The following CADPS variants were observed in gnomAD, a reference collection of about 807,000 sequenced individuals.
CADPS encodes calcium dependent secretion activator.
CADPS carries 57 observed loss-of-function variants against 167.3 expected under a neutral mutation model. That is an observed-to-expected ratio of 0.34 (90% CI 0.28 to 0.42). The LOEUF is 0.42. Among genes scored for constraint, CADPS ranks in the 20% least tolerant of loss-of-function variants. The pLI, the probability that CADPS is intolerant of heterozygous loss-of-function variation, is 1.00. For synonymous variants in CADPS, 676 were observed against 635.3 expected, an observed-to-expected ratio of 1.06 and a Z score of -0.96; for missense variants, 1,414 against 1,738.1, an observed-to-expected ratio of 0.81 and a Z score of 3.32.
At chr3:62,867,674 C>T (rs936783650) in intron 1 of CADPS, among the ~76,000 whole-genome samples, 3 of 152,032 alleles carry the variant, frequency 2.0e-5, no homozygotes, top group African/African-American at 7.2e-5. Context: ...GAATATAAGG[C>T]TTGTGATGGC....
intron 9 of CADPS, among the ~76,000 whole-genome samples, chr3:62,562,974 T>C (rs1462414241): frequency 6.6e-6 from 1 of 152,218 alleles, no homozygotes; most frequent in East Asian, 1.9e-4. Context: ...CCAGAGATCA[T>C]GCCTGAGGGT....
intron 3 of CADPS, among the ~76,000 whole-genome samples, chr3:62,718,139 G>A (rs1384922115): frequency 3.2e-4 from 49 of 151,594 alleles, no homozygotes; most frequent in Non-Finnish European, 1.5e-5. Context: ...ACTACCATCT[G>A]CAATCTTATT....
At chr3:62,463,881 C>T (rs1178706373) in intron 26 of CADPS, among the ~76,000 whole-genome samples, 1 of 152,136 alleles carries the variant, frequency 6.6e-6, no homozygotes, top group African/African-American at 2.4e-5. Flanking sequence ...ATTCAATCCT[C>T]GTACCTGGGA....
chr3:62,656,580 C>T (rs2071651665), intron 4 of CADPS, among the ~76,000 whole-genome samples: 1 of 152,264 alleles, frequency 6.6e-6, no homozygotes, highest in Non-Finnish European at 1.5e-5. Flanking sequence ...TATGCATCAT[C>T]TCCTTTCATC....
rs530831704 is a variant in CADPS at position 62,399,832 on chromosome 3, G to T, written c.3883-247C>A. On this transcript the variant is annotated intron_variant, in intron 29 of 29. Transcript: ENST00000383710. The surrounding 1 kb of genome is among the most constrained non-coding windows in gnomAD (Gnocchi z 5.6). ...AGATGAGACAAAGCAAAGAACATAAGCTTGTGTTTATTCAGTTCCATAAAG... is the reference window on the plus strand; with the variant it reads ...AGATGAGACAAAGCAAAGAACATAATCTTGTGTTTATTCAGTTCCATAAAG... Among the ~76,000 whole-genome samples the T allele has an allele frequency of 6.6e-6, 1 of 152,310 alleles. No homozygotes were observed. Among genetic ancestry groups the T allele is most frequent in the African/African-American group, 2.4e-5 (1 of 41,578 alleles).
chr3:62,835,670 G>A (rs546096538), intron 1 of CADPS, among the ~76,000 whole-genome samples: 78 of 152,212 alleles, frequency 5.1e-4, no homozygotes, highest in Middle Eastern at 3.4e-3. Flanking sequence ...AATCACAGAA[G>A]GGGCAAAAAT....
At chr3:62,759,461 G>C (rs2084833214) in intron 2 of CADPS, among the ~76,000 whole-genome samples, 1 of 152,142 alleles carries the variant, frequency 6.6e-6, no homozygotes, top group Non-Finnish European at 1.5e-5. Flanking sequence ...GCCTTCCAAT[G>C]GCAGGGGTGA....
chr3:62,748,865 A>G (rs916674927), intron 3 of CADPS, among the ~76,000 whole-genome samples: 1 of 152,050 alleles, frequency 6.6e-6, no homozygotes, highest in Admixed American at 6.6e-5. Context: ...ATGCCACCAC[A>G]CCCAGCTAGT....
intron 11 of CADPS, among the ~76,000 whole-genome samples, chr3:62,547,828 G>C (rs1184954009): frequency 6.6e-6 from 1 of 151,990 alleles, no homozygotes; most frequent in Non-Finnish European, 1.5e-5. Flanking sequence ...TTCTTCAGCA[G>C]CTTCCATCAC....
Position 62,655,398 on chromosome 3 carries a change from T to C in CADPS, c.970-4318A>G, listed in dbSNP as rs139476866. On this transcript the variant is annotated intron_variant, in intron 4 of 29. Coordinates refer to ENST00000383710, the MANE Select transcript of CADPS (RefSeq NM_003716.4). ...TATTCATATTGCTTTATGAGAAACA[T>C]AGCGTATGGGTGGGCAAAGTCCTCC... 2.1e-3 allele frequency among the ~76,000 whole-genome samples: 323 copies of C among 152,316 alleles called. 1 individual carries two copies. Among genetic ancestry groups the C allele is most frequent in the Middle Eastern group, 0.01 (3 of 294 alleles).
intron 8 of CADPS, among the ~76,000 whole-genome samples, chr3:62,581,123 T>G (rs561553781): frequency 9.5e-4 from 144 of 152,306 alleles, no homozygotes; most frequent in African/African-American, 3.4e-3. Flanking sequence ...AGAAGAAGTT[T>G]CTTGCATTTC....
chr3:62,423,711 A>G (rs2051975311), intron 28 of CADPS, among the ~76,000 whole-genome samples: 1 of 152,188 alleles, frequency 6.6e-6, no homozygotes, highest in Admixed American at 6.5e-5. Flanking sequence ...TACATGCATT[A>G]TTACACTTAA....
At chr3:62,665,370 T>C (rs888881641) in intron 3 of CADPS, among the ~76,000 whole-genome samples, 2 of 152,150 alleles carry the variant, frequency 1.3e-5, no homozygotes, top group African/African-American at 2.4e-5. Flanking sequence ...CTTTGTAAGG[T>C]TGGTATCATT....
chr3:62,400,430 G>GT (rs1705487162), intron 29 of CADPS, among the ~76,000 whole-genome samples: 1 of 150,038 alleles, frequency 6.7e-6, no homozygotes, highest in Non-Finnish European at 1.5e-5. Flanking sequence ...TTTTTTTTTT[G>GT]TTTTTTTAAA....
At chr3:62,846,989 A>G (rs1238417737) in intron 1 of CADPS, among the ~76,000 whole-genome samples, 2 of 152,180 alleles carry the variant, frequency 1.3e-5, no homozygotes, top group Non-Finnish European at 2.9e-5. Context: ...TTTAGTTAGT[A>G]TTAAAAACAT....
intron 1 of CADPS, among the ~76,000 whole-genome samples, chr3:62,795,636 C>G (rs549242981): frequency 2.0e-5 from 3 of 152,096 alleles, no homozygotes; most frequent in African/African-American, 7.2e-5. Flanking sequence ...TCATTGAGTG[C>G]CCACAAAGTG....
chr3:62,739,633 A>T (rs1325148629), intron 3 of CADPS, among the ~76,000 whole-genome samples: 1 of 151,990 alleles, frequency 6.6e-6, no homozygotes, highest in Admixed American at 6.6e-5. Context: ...TTCCACCCTT[A>T]CTCTTGAATA....
intron 10 of CADPS, among the ~76,000 whole-genome samples, chr3:62,554,479 C>A (rs2077793164): frequency 6.6e-6 from 1 of 152,126 alleles, no homozygotes; most frequent in South Asian, 2.1e-4. Flanking sequence ...GGTGGATCCA[C>A]TGACAATTTG....
At chr3:62,697,020 T>C (rs1359929582) in intron 3 of CADPS, among the ~76,000 whole-genome samples, 1 of 152,130 alleles carries the variant, frequency 6.6e-6, no homozygotes, top group East Asian at 1.9e-4. Flanking sequence ...GGCAGTCAAA[T>C]ATATCCGCTT....
Sources: allele counts gnomAD v4.1 joint callset (sites outside exome capture counted in the v4.1 genomes callset), GRCh38; gene constraint gnomAD v4.1.1; non-coding constraint Gnocchi (gnomAD v3.1); transcripts MANE v1.5; gene names NCBI Gene and HGNC (gene_info 2026-07-23, HGNC 2026-07-21).